The following LRBA variants were observed in gnomAD, a reference collection of about 807,000 sequenced individuals.
LRBA encodes lipopolysaccharide-responsive and beige-like anchor protein.
In LRBA, 176 loss-of-function variants were observed where a neutral mutation model predicts 330.0. That is an observed-to-expected ratio of 0.53 (90% CI 0.47 to 0.60). LRBA has a LOEUF of 0.60. Among genes scored for constraint, LRBA ranks in the 20% least tolerant of loss-of-function variants. The pLI is 0.00. For synonymous variants in LRBA, 1,230 were observed against 1,193.0 expected (o/e 1.03, Z -0.64); for missense variants, 3,259 against 3,444.8 (o/e 0.95, Z 1.35).
At chr4:150,319,674 A>T (rs1732222586) in intron 50 of LRBA, among the ~76,000 whole-genome samples, 1 of 152,172 alleles carries the variant, frequency 6.6e-6, no homozygotes, top group South Asian at 2.1e-4. Context: ...TCTATTTTGT[A>T]GTCAAATATT....
At chr4:150,745,155 T>G (rs1732517319) in intron 35 of LRBA, among the ~76,000 whole-genome samples, 1 of 152,134 alleles carries the variant, frequency 6.6e-6, no homozygotes, top group African/African-American at 2.4e-5. Context: ...GAAATGCAGT[T>G]TGACCAACAC....
chr4:150,878,862 ATTT>A (rs761864448), intron 17 of LRBA, among the ~76,000 whole-genome samples: 2 of 140,794 alleles, frequency 1.4e-5, no homozygotes, highest in Non-Finnish European at 1.6e-5. Flanking sequence ...TGGTCCAGGA[ATTT>A]TTTTTTTTTT....
At chr4:150,380,445 T>A (rs1010534778) in intron 47 of LRBA, among the ~76,000 whole-genome samples, 1 of 152,030 alleles carries the variant, frequency 6.6e-6, no homozygotes, top group South Asian at 2.1e-4. Flanking sequence ...CAGGATCACC[T>A]AGGGAGTTAT....
At chr4:150,351,533 C>CA (rs1249314483) in intron 47 of LRBA, among the ~76,000 whole-genome samples, 2 of 151,848 alleles carry the variant, frequency 1.3e-5, no homozygotes, top group Non-Finnish European at 2.9e-5. Context: ...ACTAAAAATA[C>CA]AAAAAATTAG....
intron 8 of LRBA, among the ~76,000 whole-genome samples, chr4:150,914,960 G>C (rs1732427563): frequency 6.6e-6 from 1 of 152,066 alleles, no homozygotes; most frequent in Admixed American, 6.5e-5. Flanking sequence ...GATTAGGTAA[G>C]GTCATGCAGT....
At chr4:150,916,310 A>G in intron 7 of LRBA, 91 bp downstream of exon 7, 1 of 1,266,590 alleles carries the variant, frequency 7.9e-7, no homozygotes, top group Non-Finnish European at 1.1e-6. Flanking sequence ...GTTGTGCTTT[A>G]GCATGTTATT....
chr4:150,362,125 A>C (rs979428633), intron 47 of LRBA, among the ~76,000 whole-genome samples: 13 of 152,074 alleles, frequency 8.5e-5, no homozygotes, highest in Non-Finnish European at 1.6e-4. Context: ...AATATATCAA[A>C]AACCAAATGA....
chr4:150,870,373 T>C, intron 20 of LRBA, 152 bp downstream of exon 20: 1 of 610,646 alleles, frequency 1.6e-6, no homozygotes, highest in Non-Finnish European at 2.9e-6. Flanking sequence ...ATACTCAATA[T>C]AAAACCCAAA....
chr4:150,717,701 A>AATAATAATAATCATCATC (rs890794296), intron 36 of LRBA, among the ~76,000 whole-genome samples: 1 of 148,048 alleles, frequency 6.8e-6, no homozygotes, highest in Admixed American at 6.8e-5. Context: ...TAATAATAAT[A>AATAATAATAATCATCATC]ATCAGTGCTT....
intron 2 of LRBA, among the ~76,000 whole-genome samples, chr4:150,933,086 AC>A (rs1245571701): frequency 6.6e-6 from 1 of 152,098 alleles, no homozygotes; most frequent in Non-Finnish European, 1.5e-5. Flanking sequence ...TTTTTAAATT[AC>A]AAGATAAAGG....
At chr4:150,932,651 C>T (rs1734638806) in intron 2 of LRBA, among the ~76,000 whole-genome samples, 2 of 152,128 alleles carry the variant, frequency 1.3e-5, no homozygotes, top group Non-Finnish European at 2.9e-5. Flanking sequence ...TACGTTGGCG[C>T]ACACCTGTAA....
chr4:150,578,600 C>T (rs934364379), intron 40 of LRBA, among the ~76,000 whole-genome samples: 19 of 152,026 alleles, frequency 1.2e-4, no homozygotes, highest in African/African-American at 4.1e-4. Context: ...AAACTAGTAC[C>T]GTAATTACTA....
At chr4:150,448,149 CTTG>C (rs1353643167) in intron 44 of LRBA, among the ~76,000 whole-genome samples, 1 of 152,116 alleles carries the variant, frequency 6.6e-6, no homozygotes, top group East Asian at 1.9e-4. Flanking sequence ...CCTAGGACAC[CTTG>C]TTGTGCCACA....
intron 47 of LRBA, among the ~76,000 whole-genome samples, chr4:150,373,470 A>G (rs11946787): frequency 0.21 from 31,715 of 151,956 alleles, 3,996 homozygotes; most frequent in Non-Finnish European, 0.29. Flanking sequence ...ACTGCTCTCC[A>G]TACCTACTTT....
At chr4:150,425,549 T>G (rs1306885149) in intron 46 of LRBA, among the ~76,000 whole-genome samples, 1 of 152,186 alleles carries the variant, frequency 6.6e-6, no homozygotes, top group East Asian at 1.9e-4. Context: ...CATGGCATAA[T>G]GACAAGGATT....
intron 47 of LRBA, among the ~76,000 whole-genome samples, chr4:150,406,020 A>C (rs915971552): frequency 5.9e-5 from 9 of 152,108 alleles, no homozygotes; most frequent in Non-Finnish European, 1.2e-4. Context: ...GTACCACTAC[A>C]CTCTAGCCTG....
intron 14 of LRBA, among the ~76,000 whole-genome samples, chr4:150,898,885 A>T (rs550837010): frequency 6.6e-6 from 1 of 152,300 alleles, no homozygotes; most frequent in Non-Finnish European, 1.5e-5. Flanking sequence ...ATAGCTTGCT[A>T]AATTATAGGT....
chr4:150,490,660 T>C (rs1561253910), intron 41 of LRBA, among the ~76,000 whole-genome samples: 1 of 151,860 alleles, frequency 6.6e-6, no homozygotes, highest in African/African-American at 2.4e-5. Context: ...GATTAAATGG[T>C]TATGTATTCC....
chr4:151,005,572 T>G (rs909754869), intron 2 of LRBA, among the ~76,000 whole-genome samples: 1 of 134,706 alleles, frequency 7.4e-6, no homozygotes, highest in Non-Finnish European at 1.5e-5. Flanking sequence ...TTTTTTTTTT[T>G]GGAGACAGAG....
Sources: allele counts gnomAD v4.1 joint callset (sites outside exome capture counted in the v4.1 genomes callset), GRCh38; gene constraint gnomAD v4.1.1; transcripts MANE v1.5; gene names NCBI Gene and HGNC (gene_info 2026-07-23, HGNC 2026-07-21).